Variants in ATF6 observed in about 807,000 individuals in gnomAD.
ATF6 encodes activating transcription factor 6.
In ATF6, 53 loss-of-function variants were observed where a neutral mutation model predicts 83.6. The ratio of observed to expected loss-of-function variants is 0.63; its 90% CI spans 0.51 to 0.80. ATF6 has a LOEUF of 0.80. Ranked by LOEUF, ATF6 falls within the 30% of genes least tolerant of loss-of-function variation. ATF6 has a pLI of 0.00. For missense variants in ATF6, 744 were observed against 797.9 expected (o/e 0.93, Z 0.81); for synonymous variants, 288 against 285.8 (o/e 1.01, Z -0.08).
chr1:161,958,413 A>C (rs748500754), intron 15 of ATF6, 33 bp from the exon 16 acceptor site: 3 of 1,551,902 alleles, frequency 1.9e-6, no homozygotes, highest in Non-Finnish European at 2.6e-6. Flanking sequence ...ATTCTGTTGA[A>C]TATTTATTCT....
rs1212387132 is a variant in ATF6 at position 161,959,622 on chromosome 1, A to G, written c.*968A>G. On this transcript the variant is annotated 3_prime_UTR_variant, in exon 16 of 16. Coordinates refer to ENST00000367942, the MANE Select transcript of ATF6 (RefSeq NM_007348.4). Reference sequence around the variant, plus strand: ...GAGGCGGAGCTTGCAGTGAGCCGAGATCCCGCCACTGCACTCCAGCCTGGG... The same window carrying G: ...GAGGCGGAGCTTGCAGTGAGCCGAGGTCCCGCCACTGCACTCCAGCCTGGG... The G allele has an allele frequency of 1.4e-5, 2 of 143,874 alleles. No individual in the cohort carries two copies. Among genetic ancestry groups the G allele is most frequent in the Non-Finnish European group, 3.0e-5 (2 of 66,716 alleles). 8.9% of individuals were successfully genotyped at this position (143,874 alleles called of 1,614,324 possible).
chr1:161,847,582 T>C (rs1026681169), intron 10 of ATF6, among the ~76,000 whole-genome samples: 3 of 152,136 alleles, frequency 2.0e-5, no homozygotes, highest in Non-Finnish European at 2.9e-5. Flanking sequence ...CTTTTTTACA[T>C]GCCAAAATTC....
At chr1:161,851,491 T>G (rs1248356803) in intron 10 of ATF6, among the ~76,000 whole-genome samples, 1 of 152,206 alleles carries the variant, frequency 6.6e-6, no homozygotes, top group African/African-American at 2.4e-5. Context: ...AATTAATTGC[T>G]CAATAAATGG....
rs1156372680 is a variant in ATF6 at position 161,960,830 on chromosome 1, G to A, written c.*2176G>A. The A allele has an allele frequency of 6.6e-6, 1 of 152,136 alleles. No homozygotes were observed. Among genetic ancestry groups the A allele is most frequent in the East Asian group, 1.9e-4 (1 of 5,192 alleles). The allele number at this position is 152,136 out of a possible 1,614,324, so 9.4% of individuals were successfully genotyped here. On this transcript the variant is annotated 3_prime_UTR_variant, in exon 16 of 16. Transcript: ENST00000367942. Reference sequence around the variant, plus strand: ...AGTCTTATCATGGGATATTTCTTCTGGCCCTGCCCCTTCCCATTCTGTAAT... The same window carrying A: ...AGTCTTATCATGGGATATTTCTTCTAGCCCTGCCCCTTCCCATTCTGTAAT...
intron 14 of ATF6, among the ~76,000 whole-genome samples, chr1:161,879,090 AG>A (rs1484920488): frequency 6.6e-6 from 1 of 152,138 alleles, no homozygotes; most frequent in Non-Finnish European, 1.5e-5. Context: ...GCCCTTTGCT[AG>A]TAAGGCAGGA....
In ATF6 at chr1:161,846,306, A is replaced by G. The variant is rs564887307; in HGVS notation, c.1188-143A>G. 3.0e-5 allele frequency: 25 copies of G among 824,922 alleles called. No individual in the cohort carries two copies. The South Asian group carries it at 3.9e-4, about 13-fold the overall frequency. 51.1% of individuals were successfully genotyped at this position (824,922 alleles called of 1,614,324 possible). ...AGGATTTGAACACCTTCAGTACCCT[A>G]TTTGTACTTGCGTCTATGCCTAGCA... On this transcript the variant is annotated intron_variant, in intron 9 of 15. Coordinates refer to ENST00000367942, the MANE Select transcript of ATF6 (RefSeq NM_007348.4).
intron 15 of ATF6, among the ~76,000 whole-genome samples, chr1:161,941,634 T>G (rs1387948071): frequency 6.6e-6 from 1 of 152,214 alleles, no homozygotes; most frequent in Non-Finnish European, 1.5e-5. Flanking sequence ...CGATTCTAGT[T>G]GTTTTTAGTC....
At chr1:161,870,316 A>C (rs1406507465) in intron 14 of ATF6, among the ~76,000 whole-genome samples, 1 of 151,868 alleles carries the variant, frequency 6.6e-6, no homozygotes, top group Non-Finnish European at 1.5e-5. Context: ...GAAATATTAT[A>C]GTATAGCTTC....
chr1:161,791,277 A>G, intron 4 of ATF6, 131 bp from the exon 5 acceptor site: 1 of 595,598 alleles, frequency 1.7e-6, no homozygotes, highest in South Asian at 2.6e-5. Flanking sequence ...ATATATATAC[A>G]GTTTCTAATA....
intron 15 of ATF6, among the ~76,000 whole-genome samples, chr1:161,957,382 A>C (rs762923347): frequency 9.8e-5 from 15 of 152,322 alleles, no homozygotes; most frequent in Non-Finnish European, 1.8e-4. Flanking sequence ...CTCAGATGCC[A>C]TATTAAGTAC....
chr1:161,927,141 A>G (rs533530347), intron 15 of ATF6, among the ~76,000 whole-genome samples: 30 of 152,136 alleles, frequency 2.0e-4, no homozygotes, highest in African/African-American at 6.5e-4. Context: ...CCCAGAGAAA[A>G]CTTAGGGGAG....
chr1:161,837,561 T>C (rs1244236023), intron 9 of ATF6, among the ~76,000 whole-genome samples: 1 of 152,188 alleles, frequency 6.6e-6, no homozygotes, highest in Non-Finnish European at 1.5e-5. Flanking sequence ...TCTCAGCCCT[T>C]TCCCAGAATT....
At chr1:161,767,548 G>A (rs1684293418) in intron 1 of ATF6, among the ~76,000 whole-genome samples, 1 of 152,130 alleles carries the variant, frequency 6.6e-6, no homozygotes, top group South Asian at 2.1e-4. Context: ...TTGACATGAA[G>A]TATTTTGTTT....
chr1:161,860,424 G>T, intron 13 of ATF6, 147 bp downstream of exon 13: 1 of 227,424 alleles, frequency 4.4e-6, no homozygotes, highest in Non-Finnish European at 8.8e-6. Context: ...ATATATATAT[G>T]TATATATATA....
chr1:161,836,623 T>C (rs1234907691), intron 9 of ATF6, among the ~76,000 whole-genome samples: 1 of 152,242 alleles, frequency 6.6e-6, no homozygotes, highest in Non-Finnish European at 1.5e-5. Flanking sequence ...GTAGATTTCA[T>C]CCTTTGTTGA....
At chr1:161,845,015 T>A (rs1686448418) in intron 9 of ATF6, among the ~76,000 whole-genome samples, 3 of 152,202 alleles carry the variant, frequency 2.0e-5, no homozygotes, top group Admixed American at 2.0e-4. Context: ...ACACAATGGC[T>A]TTAATTGGTG....
chr1:161,851,233 AACACACACACACACAC>A (rs60202873), intron 10 of ATF6, among the ~76,000 whole-genome samples: 1,766 of 75,476 alleles, frequency 0.023, 55 homozygotes, highest in African/African-American at 0.054. Context: ...CCCTATCCTT[AACACACACACACACAC>A]ACACACACAC....
chr1:161,867,782 A>G (rs1687037964), intron 14 of ATF6, among the ~76,000 whole-genome samples: 1 of 152,234 alleles, frequency 6.6e-6, no homozygotes, highest in East Asian at 1.9e-4. Context: ...ATCAGTTTCA[A>G]ATACATACAT....
At chr1:161,828,772 C>A (rs1553232684) in intron 9 of ATF6, among the ~76,000 whole-genome samples, 1 of 152,116 alleles carries the variant, frequency 6.6e-6, no homozygotes, top group Non-Finnish European at 1.5e-5. Flanking sequence ...GACAAAAATG[C>A]AGTTTAGGTG....
Sources: gnomAD v4.1 joint callset for allele counts (sites outside exome capture counted in the v4.1 genomes callset) on GRCh38, gnomAD v4.1.1 for gene constraint, MANE v1.5 for transcripts, NCBI Gene and HGNC (gene_info 2026-07-23, HGNC 2026-07-21) for gene names.